The following SPECC1L variants were observed in gnomAD, a reference collection of about 807,000 sequenced individuals.
SPECC1L encodes sperm antigen with calponin homology and coiled-coil domains 1 like.
SPECC1L carries 40 observed loss-of-function variants against 116.8 expected under a neutral mutation model. The observed-to-expected ratio is 0.34, with a 90% CI of 0.27 to 0.45. SPECC1L has a LOEUF of 0.45. Among genes scored for constraint, SPECC1L ranks in the 20% least tolerant of loss-of-function variants. SPECC1L has a pLI of 1.00. For missense variants in SPECC1L, 1,110 were observed against 1,373.6 expected, an observed-to-expected ratio of 0.81 and a Z score of 3.03; for synonymous variants, 504 against 500.6, an observed-to-expected ratio of 1.01 and a Z score of -0.09.
At chr22:24,344,073 A>G (rs181039573) in intron 10 of SPECC1L, among the ~76,000 whole-genome samples, 10 of 152,330 alleles carry the variant, frequency 6.6e-5, no homozygotes, top group African/African-American at 2.4e-4. Flanking sequence ...AGTCTTTCAG[A>G]AAACAGAAGA....
At chr22:24,408,589 C>T (rs923299107) in intron 14 of SPECC1L, among the ~76,000 whole-genome samples, 2 of 152,246 alleles carry the variant, frequency 1.3e-5, no homozygotes, top group African/African-American at 4.8e-5. Flanking sequence ...TGCCACCTTC[C>T]CCTGCGACTC....
At position 24,321,437 on chromosome 22, in the gene SPECC1L, C is replaced by T. The variant is rs746550418; in HGVS notation, c.457C>T (p.Arg153Cys). The change falls in exon 5 of 17, where the codon CGT becomes TGT. Residue 153 changes from arginine to cysteine, a missense_variant. Transcript: ENST00000314328. ...QGANDMALAK[R>C]SRSRTATECD... The stretch of plus-strand genomic sequence containing the variant: ...AGCTAATGACATGGCATTGGCCAAA[C>T]GTTCCCGCAGTCGAACTGCTACAGA... 6.8e-6 allele frequency: 11 copies of T among 1,614,126 alleles called. No homozygotes were observed. The highest frequency in any genetic ancestry group is 2.7e-5 in the African/African-American group (2 of 74,940).
intron 13 of SPECC1L, among the ~76,000 whole-genome samples, chr22:24,366,681 A>G (rs1485528968): frequency 1.3e-5 from 2 of 152,152 alleles, no homozygotes; most frequent in Non-Finnish European, 2.9e-5. Context: ...GCAAGAATGG[A>G]TGATATCAAA....
intron 7 of SPECC1L, 87 bp downstream of exon 7, chr22:24,329,006 T>A: frequency 9.7e-7 from 1 of 1,032,400 alleles, no homozygotes; most frequent in South Asian, 1.3e-5. Flanking sequence ...TCATTCATCT[T>A]AAGTTTTGGA....
At chr22:24,289,712 T>C (rs1229864194) in intron 2 of SPECC1L, among the ~76,000 whole-genome samples, 2 of 151,652 alleles carry the variant, frequency 1.3e-5, no homozygotes, top group African/African-American at 4.8e-5. Flanking sequence ...TTTTTTTTTT[T>C]AGCATCCTAT....
chr22:24,330,151 A>C lies in SPECC1L; in HGVS notation c.2221-105A>C, dbSNP rs577616195. On this transcript the variant is annotated intron_variant, in intron 7 of 16. Coordinates refer to ENST00000314328, the MANE Select transcript of SPECC1L (RefSeq NM_015330.6). ...ATTAAAAAAATTAATCATCATTTGGAAGCATTAGTGCATTATAGCAATCCA... is the reference window on the plus strand; with the variant it reads ...ATTAAAAAAATTAATCATCATTTGGCAGCATTAGTGCATTATAGCAATCCA... 4.1e-5 allele frequency: 45 copies of C among 1,108,662 alleles called. No individual in the cohort carries two copies. In the East Asian group the frequency reaches 1.1e-3, roughly 27 times the overall value. 68.7% of individuals were successfully genotyped at this position (1,108,662 alleles called of 1,614,324 possible). A position where few individuals can be genotyped will look rare whatever the true frequency, so the allele number is the denominator to read the frequency against.
intron 2 of SPECC1L, among the ~76,000 whole-genome samples, chr22:24,285,055 T>TGGTGGTTAGGATTGGAAGAG (rs2049015484): frequency 6.6e-6 from 1 of 152,124 alleles, no homozygotes; most frequent in Admixed American, 6.6e-5. Context: ...ATCAAAGCTG[T>TGGTGGTTAGGATTGGAAGAG]GGTGGTTAGG....
intron 2 of SPECC1L, among the ~76,000 whole-genome samples, chr22:24,290,432 A>G (rs1409229177): frequency 6.6e-6 from 1 of 152,260 alleles, no homozygotes; most frequent in Non-Finnish European, 1.5e-5. Flanking sequence ...TAAATGTACT[A>G]CATGTTACAA....
intron 11 of SPECC1L, among the ~76,000 whole-genome samples, chr22:24,358,801 A>G (rs1045428128): frequency 2.6e-5 from 4 of 152,300 alleles, no homozygotes; most frequent in Admixed American, 6.5e-5. Flanking sequence ...CTATTTACCT[A>G]TAAGTTTGAT....
intron 2 of SPECC1L, among the ~76,000 whole-genome samples, 197 bp downstream of exon 2, chr22:24,277,000 T>G (rs1226358469): frequency 6.6e-6 from 1 of 152,236 alleles, no homozygotes. Context: ...AATCTTCTGA[T>G]CCATTTTTTC....
At chr22:24,341,432 T>A (rs1346238054) in intron 10 of SPECC1L, among the ~76,000 whole-genome samples, 1 of 152,188 alleles carries the variant, frequency 6.6e-6, no homozygotes, top group Non-Finnish European at 1.5e-5. Flanking sequence ...AGACACCTCT[T>A]TGAATAGATG....
chr22:24,371,792 G>C (rs1203585323), intron 14 of SPECC1L, among the ~76,000 whole-genome samples: 1 of 152,210 alleles, frequency 6.6e-6, no homozygotes, highest in African/African-American at 2.4e-5. Flanking sequence ...TGCGACCTTG[G>C]TTCACGGCAG....
rs141515040 is a variant in SPECC1L, at chr22:24,403,473, C to T, written c.3088-8115C>T. On this transcript the variant is annotated intron_variant, in intron 14 of 16. Transcript: ENST00000314328. ...AATAGTGAACAATAGAAATTCCTTC[C>T]GTTAATGTGCATTTTCCCCTCAAAT... Among the ~76,000 whole-genome samples, 779 of 152,228 alleles carry T rather than the reference C, an allele frequency of 5.1e-3. 5 individuals are homozygous for T. Among genetic ancestry groups the T allele is most frequent in the African/African-American group, 0.018 (730 of 41,522 alleles).
In SPECC1L at chr22:24,334,430, G is replaced by A. The variant is rs370922766; in HGVS notation, c.2417G>A (p.Arg806Gln). The A allele has an allele frequency of 5.0e-6, 8 of 1,614,008 alleles. No homozygotes were observed. The highest frequency in any genetic ancestry group is 2.2e-5 in the South Asian group (2 of 91,092). ...TTCAGGCAAGAGGAGGAGCGAGGCC[G>A]GGTATACAATTACATGAATGCCGTT... The part of the protein sequence containing the change: ...KSRKQEEERG[R>Q]VYNYMNAVER... Residue 806 changes from arginine (R) to glutamine (Q), a missense_variant, in exon 9 of 17, where the codon CGG becomes CAG. By Grantham distance (43) the Arg-to-Gln change is conservative (BLOSUM62 1). Around this residue, in one of 4 missense-constraint regions of SPECC1L, gnomAD observed 575 missense variants for 682.4 expected, o/e 0.84. Coordinates refer to ENST00000314328, the MANE Select transcript of SPECC1L (RefSeq NM_015330.6).
chr22:24,302,768 C>T (rs1006410244), intron 3 of SPECC1L, among the ~76,000 whole-genome samples: 1 of 152,080 alleles, frequency 6.6e-6, no homozygotes, highest in Non-Finnish European at 1.5e-5. Flanking sequence ...GCATTGTGAA[C>T]AGTTTCAGGT....
Position 24,302,324 on chromosome 22 carries a change from C to T in SPECC1L, c.93C>T (p.Ser31=). Residue 31 remains serine (S), a synonymous_variant, in exon 3 of 17, where the codon AGC becomes AGT. Coordinates refer to ENST00000314328, the MANE Select transcript of SPECC1L (RefSeq NM_015330.6). ...QTAEKIKPEN[S]SSASTGGKLV... is the part of the protein sequence containing the mutation. ...CAGAAAAAATTAAACCTGAAAACAG[C>T]TCTTCAGCATCTACGGGAGGCAAAC... The T allele has an allele frequency of 1.9e-6, 3 of 1,614,158 alleles. No homozygotes were observed. In the South Asian group the frequency reaches 3.3e-5, roughly 18 times the overall value.
In SPECC1L at chr22:24,321,360, G is replaced by A. The variant is rs200462050; in HGVS notation, c.380G>A (p.Arg127His). 21 of 1,614,248 alleles carry A rather than the reference G, an allele frequency of 1.3e-5. No individual in the cohort carries two copies. Among genetic ancestry groups the A allele is most frequent in the East Asian group, 8.9e-5 (4 of 44,890 alleles). ...TCCAGTTCTACTAGAGAAAGATTAC[G>A]TGAACGTACCCGATTAAACCAGAGC... The part of the protein sequence containing the change: ...KESSSTRERL[R>H]ERTRLNQSKK... The change falls in exon 5 of 17, where the codon CGT (arginine) becomes CAT (histidine). Residue 127 changes from arginine to histidine, a missense_variant. Physicochemically the swap from Arg to His is conservative, Grantham distance 29 (BLOSUM62 0). Coordinates refer to ENST00000314328, the MANE Select transcript of SPECC1L (RefSeq NM_015330.6).
intron 12 of SPECC1L, among the ~76,000 whole-genome samples, chr22:24,364,092 C>T (rs1337498547): frequency 2.6e-5 from 4 of 152,064 alleles, no homozygotes; most frequent in African/African-American, 4.8e-5. Flanking sequence ...GGAACTTTGT[C>T]GACTATGTGA....
At chr22:24,355,867 G>T in intron 11 of SPECC1L, among the ~76,000 whole-genome samples, 1 of 146,818 alleles carries the variant, frequency 6.8e-6, no homozygotes, top group Non-Finnish European at 1.5e-5. Context: ...TACACTATCT[G>T]GTATACAGTT....
Sources: gnomAD v4.1 joint callset for allele counts (sites outside exome capture counted in the v4.1 genomes callset) on GRCh38, gnomAD v4.1.1 for gene constraint, gnomAD v4.1.1 regional missense constraint, MANE v1.5 for transcripts, NCBI Gene and HGNC (gene_info 2026-07-23, HGNC 2026-07-21) for gene names.